BBS7: variants seen among roughly 807,000 people sequenced by gnomAD.
The protein encoded by BBS7 is BBSome complex member BBS7.
A neutral mutation model predicts 90.3 loss-of-function variants in BBS7; 50 were observed. The ratio of observed to expected loss-of-function variants is 0.55; its 90% CI spans 0.44 to 0.70. The LOEUF (loss-of-function observed/expected upper bound fraction) is 0.70, where lower values mean the gene tolerates loss of function less well. BBS7 is among the 30% of genes least tolerant of loss of function. The probability of loss-of-function intolerance (pLI) is 0.00; values close to 1 mark genes in which losing one functional copy is unlikely to be tolerated. For synonymous variants in BBS7, 235 were observed against 287.4 expected (o/e 0.82, Z 1.85); for missense variants, 729 against 838.9 (o/e 0.87, Z 1.62).
intron 8 of BBS7, among the ~76,000 whole-genome samples, chr4:121,849,684 G>C (rs527843434): frequency 1.3e-5 from 2 of 152,236 alleles, no homozygotes; most frequent in Admixed American, 6.5e-5. Flanking sequence ...AAAAAAATTA[G>C]CCGGGCGTGG....
chr4:121,865,975 G>T lies in BBS7; in HGVS notation c.102+2006C>A, dbSNP rs542014633. Among the ~76,000 whole-genome samples, 26 of 152,216 alleles carry T rather than the reference G, an allele frequency of 1.7e-4. 1 individual carries two copies. In the South Asian group the frequency reaches 5.2e-3, roughly 30 times the overall value. On this transcript the variant is annotated intron_variant, in intron 2 of 18. Coordinates refer to ENST00000264499, the MANE Select transcript of BBS7 (RefSeq NM_176824.3). The stretch of plus-strand genomic sequence containing the variant: ...ATTTGCCATTTTCCTGATGATTAAT[G>T]ATGTTAAGTATTTTTTCATGTTTTT...
chr4:121,869,294 T>C (rs1727456862), intron 1 of BBS7, among the ~76,000 whole-genome samples: 1 of 152,200 alleles, frequency 6.6e-6, no homozygotes, highest in African/African-American at 2.4e-5. Flanking sequence ...GAGAGAATTT[T>C]AGGTCTGAAA....
At chr4:121,859,714 G>A (rs1726875971) in intron 4 of BBS7, among the ~76,000 whole-genome samples, 1 of 151,820 alleles carries the variant, frequency 6.6e-6, no homozygotes, top group South Asian at 2.1e-4. Flanking sequence ...ACACTAAATT[G>A]CCTGAAAAAG....
At chr4:121,858,823 A>T in intron 5 of BBS7, 169 bp downstream of exon 5, 1 of 672,706 alleles carries the variant, frequency 1.5e-6, no homozygotes, top group Non-Finnish European at 2.4e-6. Flanking sequence ...ACAAAACAAC[A>T]CATTTGACTC....
At chr4:121,858,318 C>T (rs543396334) in intron 5 of BBS7, among the ~76,000 whole-genome samples, 47 of 152,118 alleles carry the variant, frequency 3.1e-4, no homozygotes, top group African/African-American at 1.1e-3. Context: ...TACAGTTCAT[C>T]TAACTGTTAC....
intron 7 of BBS7, among the ~76,000 whole-genome samples, chr4:121,853,681 T>C (rs62322626): frequency 0.041 from 6,175 of 152,194 alleles, 189 homozygotes; most frequent in Non-Finnish European, 0.063. Flanking sequence ...GTCTCCATGC[T>C]TCCAGTTTTG....
intron 18 of BBS7, 81 bp downstream of exon 18, chr4:121,828,065 G>A (rs1724989534): frequency 1.3e-6 from 2 of 1,587,302 alleles, no homozygotes; most frequent in South Asian, 2.3e-5. Flanking sequence ...TTATCTTTCT[G>A]CCCAGCTTCT....
intron 8 of BBS7, 122 bp from the exon 9 acceptor site, chr4:121,849,050 G>GT: frequency 1.4e-6 from 1 of 708,086 alleles, no homozygotes; most frequent in African/African-American, 1.8e-5. Context: ...GAATGTTTAT[G>GT]TGCAGACACT....
At chr4:121,851,594 T>G (rs543677926) in intron 8 of BBS7, among the ~76,000 whole-genome samples, 1 of 152,278 alleles carries the variant, frequency 6.6e-6, no homozygotes, top group East Asian at 1.9e-4. Context: ...AAAAAAGAAC[T>G]TGGTCCTTCC....
rs374261135 is a variant in BBS7 at position 121,854,758 on chromosome 4, T to C, written c.664A>G (p.Thr222Ala). ...SDGKLALIQI[T>A]TSKPVRKWEI... Reference sequence around the variant, plus strand: ...CACTTGCGTACTGGTTTGGATGTAGTAATCTGTATAAGCGCAAGTTTTCCG... The same window carrying C: ...CACTTGCGTACTGGTTTGGATGTAGCAATCTGTATAAGCGCAAGTTTTCCG... The change falls in exon 7 of 19, where the codon ACT (threonine) becomes GCT (alanine). Residue 222 changes from threonine (T) to alanine (A), a missense_variant. By Grantham distance (58) the Thr-to-Ala change is moderately conservative. Transcript: ENST00000264499. 2.0e-5 allele frequency: 32 copies of C among 1,612,722 alleles called. No individual in the cohort carries two copies. The highest frequency in any genetic ancestry group is 2.5e-5 in the Non-Finnish European group (30 of 1,179,172).
intron 10 of BBS7, among the ~76,000 whole-genome samples, chr4:121,846,456 T>A (rs1382700057): frequency 2.0e-5 from 3 of 152,206 alleles, no homozygotes; most frequent in Admixed American, 6.5e-5. Context: ...AAATATTACA[T>A]ATTTACTCCT....
intron 4 of BBS7, among the ~76,000 whole-genome samples, chr4:121,859,673 G>A (rs1001319435): frequency 1.3e-5 from 2 of 151,978 alleles, no homozygotes; most frequent in Non-Finnish European, 2.9e-5. Context: ...CTGCAACTCA[G>A]TTTTTTGCTC....
chr4:121,835,015 ATATT>A (rs1338648433), intron 14 of BBS7, 125 bp downstream of exon 14: 46 of 893,842 alleles, frequency 5.1e-5, no homozygotes, highest in Non-Finnish European at 6.7e-5. Context: ...TAAATCTATA[ATATT>A]TAAACTGTTT....
At chr4:121,852,442 G>A (rs576285647) in intron 8 of BBS7, among the ~76,000 whole-genome samples, 52 of 152,102 alleles carry the variant, frequency 3.4e-4, no homozygotes, top group South Asian at 1.7e-3. Context: ...TGGCATAAAT[G>A]AGTTTAATTA....
At chr4:121,830,914 A>C (rs1398874521) in intron 15 of BBS7, among the ~76,000 whole-genome samples, 1 of 152,244 alleles carries the variant, frequency 6.6e-6, no homozygotes, top group African/African-American at 2.4e-5. Flanking sequence ...AGTTTGTATA[A>C]AAATTATTAG....
At position 121,862,413 on chromosome 4, in the gene BBS7, G is replaced by C. The variant is rs372410619; in HGVS notation, c.166-734C>G. On this transcript the variant is annotated intron_variant, in intron 3 of 18. Coordinates refer to ENST00000264499, the MANE Select transcript of BBS7 (RefSeq NM_176824.3). ...GGAGAATATGAATAATGGAAACACT[G>C]AGTTTCTGGTAGTTTTTATTCTCTT... Among the ~76,000 whole-genome samples the C allele has an allele frequency of 1.4e-3, 206 of 152,192 alleles. 5 individuals are homozygous for C. In the South Asian group the frequency reaches 0.042, roughly 31 times the overall value.
intron 5 of BBS7, among the ~76,000 whole-genome samples, chr4:121,856,862 C>T (rs564625006): frequency 3.3e-5 from 5 of 152,000 alleles, no homozygotes; most frequent in East Asian, 3.9e-4. Context: ...CTCCACCTTC[C>T]GGGTTTAAGT....
At chr4:121,851,627 T>C (rs1487892197) in intron 8 of BBS7, among the ~76,000 whole-genome samples, 2 of 152,182 alleles carry the variant, frequency 1.3e-5, no homozygotes, top group African/African-American at 4.8e-5. Context: ...CAAATGAATA[T>C]ACAAGTTTAA....
chr4:121,838,356 T>A (rs1374350252), intron 13 of BBS7, among the ~76,000 whole-genome samples: 1 of 139,730 alleles, frequency 7.2e-6, no homozygotes, highest in African/African-American at 2.6e-5. Flanking sequence ...TGTAACAGCA[T>A]CTCTCTTGAA....
Sources: gnomAD v4.1 joint callset for allele counts (sites outside exome capture counted in the v4.1 genomes callset) on GRCh38, gnomAD v4.1.1 for gene constraint, MANE v1.5 for transcripts, NCBI Gene and HGNC (gene_info 2026-07-23, HGNC 2026-07-21) for gene names.